The following HTR7 variants were observed in gnomAD, a reference collection of about 807,000 sequenced individuals.
The protein encoded by HTR7 is 5-HT-7.
Under a neutral mutation model 34.0 loss-of-function variants are expected in HTR7, and 16 were observed. The observed-to-expected ratio is 0.47, with a 90% CI of 0.32 to 0.71. The LOEUF (loss-of-function observed/expected upper bound fraction) is 0.71. Ranked by LOEUF, HTR7 falls within the 30% of genes least tolerant of loss-of-function variation. The pLI, the probability that HTR7 is intolerant of heterozygous loss-of-function variation, is 0.04. For synonymous variants in HTR7, 265 were observed against 260.2 expected, an observed-to-expected ratio of 1.02 and a Z score of -0.18; for missense variants, 504 against 625.5, an observed-to-expected ratio of 0.81 and a Z score of 2.07.
chr10:90,807,760 C>A (rs912215422), intron 1 of HTR7, among the ~76,000 whole-genome samples: 1 of 152,196 alleles, frequency 6.6e-6, no homozygotes, highest in African/African-American at 2.4e-5. Flanking sequence ...TGACTCAGAT[C>A]GGGGGACCTC....
At chr10:90,761,274 CACAG>C (rs1287662175) in intron 1 of HTR7, among the ~76,000 whole-genome samples, 1 of 152,080 alleles carries the variant, frequency 6.6e-6, no homozygotes, top group Non-Finnish European at 1.5e-5. Flanking sequence ...TCATAATGAG[CACAG>C]ACAGTTTTCA....
In HTR7 at chr10:90,824,142, C is replaced by T. The variant is rs191191176; in HGVS notation, c.539+32991G>A. Among the ~76,000 whole-genome samples the T allele has an allele frequency of 1.1e-4, 17 of 152,308 alleles. No homozygotes were observed. The East Asian group carries it at 1.7e-3, about 16-fold the overall frequency. On this transcript the variant is annotated intron_variant, in intron 1 of 3. Coordinates refer to ENST00000336152, the MANE Select transcript of HTR7 (RefSeq NM_019859.4). The stretch of plus-strand genomic sequence containing the variant: ...TTCCTTCCACTTAAGGAGAGGAGAG[C>T]GAAGAGCAAAGAGTTGTCTTGCAAT...
At chr10:90,837,762 A>G (rs377590533) in intron 1 of HTR7, among the ~76,000 whole-genome samples, 2 of 152,212 alleles carry the variant, frequency 1.3e-5, no homozygotes, top group Non-Finnish European at 2.9e-5. Flanking sequence ...AGTGCCTATC[A>G]GCAAAACTTC....
intron 1 of HTR7, among the ~76,000 whole-genome samples, chr10:90,771,668 T>G (rs1845114734): frequency 6.6e-6 from 1 of 152,188 alleles, no homozygotes; most frequent in Non-Finnish European, 1.5e-5. Context: ...AGCCAGCATG[T>G]CTGACTGTGC....
intron 1 of HTR7, among the ~76,000 whole-genome samples, chr10:90,794,070 C>A (rs1370262395): frequency 6.6e-6 from 1 of 152,158 alleles, no homozygotes; most frequent in East Asian, 1.9e-4. Flanking sequence ...CACAGATACA[C>A]CCAGGAAAAA....
At chr10:90,768,480 C>A (rs1433830613) in intron 1 of HTR7, among the ~76,000 whole-genome samples, 2 of 152,146 alleles carry the variant, frequency 1.3e-5, no homozygotes, top group Non-Finnish European at 2.9e-5. Flanking sequence ...TTATTAAAAT[C>A]TTGTGTGCCC....
intron 1 of HTR7, among the ~76,000 whole-genome samples, chr10:90,781,103 C>T (rs1245518947): frequency 1.3e-5 from 2 of 152,164 alleles, no homozygotes; most frequent in African/African-American, 4.8e-5. Context: ...GTCCTCTCCC[C>T]CATTTCTACC....
Position 90,857,417 on chromosome 10 carries a change from G to A in HTR7, c.255C>T (p.Gly85=), listed in dbSNP as rs371585527. 2 of 1,614,068 alleles carry A rather than the reference G, an allele frequency of 1.2e-6. No homozygotes were observed. Among genetic ancestry groups the A allele is most frequent in the Non-Finnish European group, 1.7e-6 (2 of 1,180,030 alleles). Reference sequence around the variant, plus strand: ...GCAGCGTGATGAGCGTCAGGATGGAGCCGATCACAACTTTCTCGACTCTGC... The same window carrying A: ...GCAGCGTGATGAGCGTCAGGATGGAACCGATCACAACTTTCTCGACTCTGC... ...NYGRVEKVVI[G]SILTLITLLT... The change falls in exon 1 of 4, where the codon GGC becomes GGT. Residue 85 remains glycine (G), a synonymous_variant. Coordinates refer to ENST00000336152, the MANE Select transcript of HTR7 (RefSeq NM_019859.4). This position sits in a 1 kb window ranked among gnomAD's most constrained non-coding sequence, Gnocchi z 6.5.
chr10:90,836,897 C>T (rs1308124792), intron 1 of HTR7, among the ~76,000 whole-genome samples: 1 of 152,174 alleles, frequency 6.6e-6, no homozygotes, highest in African/African-American at 2.4e-5. Context: ...TAAGACATAA[C>T]AACTTATGTA....
At chr10:90,781,526 T>C (rs545675779) in intron 1 of HTR7, among the ~76,000 whole-genome samples, 25 of 152,216 alleles carry the variant, frequency 1.6e-4, no homozygotes, top group Non-Finnish European at 3.2e-4. Flanking sequence ...GTCAACACAA[T>C]GCTATTATTT....
At chr10:90,755,721 T>C (rs978591232) in intron 1 of HTR7, among the ~76,000 whole-genome samples, 16 of 152,230 alleles carry the variant, frequency 1.1e-4, no homozygotes, top group African/African-American at 3.6e-4. Context: ...AAAACTATAA[T>C]GCCAAGTGTT....
rs537470038 is a variant in HTR7 at position 90,749,625 on chromosome 10, A to G, written c.540-31T>C. ...GGAGAGATGGAAAGATAACAGATGAACACCGTGATCATAACTGGTCAACCA... is the reference window on the plus strand; with the variant it reads ...GGAGAGATGGAAAGATAACAGATGAGCACCGTGATCATAACTGGTCAACCA... On this transcript the variant is annotated intron_variant, in intron 1 of 3. Transcript: ENST00000336152. The surrounding 1 kb of genome is among the most constrained non-coding windows in gnomAD (Gnocchi z 4.2). 5.7e-6 allele frequency: 9 copies of G among 1,574,510 alleles called. No homozygotes were observed. In the South Asian group the frequency reaches 9.5e-5, roughly 17 times the overall value.
At chr10:90,830,804 A>T (rs1189877588) in intron 1 of HTR7, among the ~76,000 whole-genome samples, 1 of 151,754 alleles carries the variant, frequency 6.6e-6, no homozygotes, top group Non-Finnish European at 1.5e-5. Flanking sequence ...AAAAAAAAAA[A>T]AAGGCAAGCA....
At chr10:90,790,336 A>G (rs967161491) in intron 1 of HTR7, among the ~76,000 whole-genome samples, 15 of 152,182 alleles carry the variant, frequency 9.9e-5, no homozygotes, top group Non-Finnish European at 1.3e-4. Flanking sequence ...AAAACTTTGC[A>G]GTGGATATAT....
chr10:90,813,387 T>C (rs1003928329), intron 1 of HTR7, among the ~76,000 whole-genome samples: 14 of 152,066 alleles, frequency 9.2e-5, no homozygotes, highest in African/African-American at 3.4e-4. Flanking sequence ...CCAAGCATGG[T>C]AGCACACGCC....
At chr10:90,847,537 T>A (rs1291476354) in intron 1 of HTR7, among the ~76,000 whole-genome samples, 1 of 151,730 alleles carries the variant, frequency 6.6e-6, no homozygotes, top group Non-Finnish European at 1.5e-5. Flanking sequence ...GTGAAAGGAG[T>A]CTGGAGAAGC....
rs1034877297 is a variant in HTR7 at position 90,857,165 on chromosome 10, C to T, written c.507G>A (p.Ser169=). ...TGCTGATCACGCACAGGGTCATGAT[C>T]GAGGCCGTGCAGCACATGACGTCCA... ...IAMDVMCCTA[S]IMTLCVISID... Residue 169 remains serine (S), a synonymous_variant, in exon 1 of 4, where the codon TCG becomes TCA. Transcript: ENST00000336152. The surrounding 1 kb of genome is among the most constrained non-coding windows in gnomAD (Gnocchi z 6.5). 3.1e-6 allele frequency: 5 copies of T among 1,610,072 alleles called. No individual in the cohort carries two copies. The highest frequency in any genetic ancestry group is 1.7e-5 in the Admixed American group (1 of 59,696).
intron 1 of HTR7, among the ~76,000 whole-genome samples, chr10:90,763,769 C>A (rs1844975570): frequency 1.3e-5 from 2 of 152,172 alleles, no homozygotes; most frequent in African/African-American, 4.8e-5. Context: ...TCCAGCTTCA[C>A]CCATGTCCCT....
intron 1 of HTR7, among the ~76,000 whole-genome samples, chr10:90,848,048 A>G (rs1185104322): frequency 1.3e-5 from 2 of 150,084 alleles, no homozygotes; most frequent in African/African-American, 4.9e-5. Context: ...CCCATCTAAA[A>G]GCAATCACTC....
Sources: gnomAD v4.1 joint callset for allele counts (sites outside exome capture counted in the v4.1 genomes callset) on GRCh38, gnomAD v4.1.1 for gene constraint, Gnocchi (gnomAD v3.1) non-coding constraint, MANE v1.5 for transcripts, NCBI Gene and HGNC (gene_info 2026-07-23, HGNC 2026-07-21) for gene names.